Variants in ITSN1 observed in about 807,000 individuals in gnomAD.
The protein encoded by ITSN1 is intersectin-1.
A neutral mutation model predicts 239.8 loss-of-function variants in ITSN1; 58 were observed. The ratio of observed to expected loss-of-function variants is 0.24; its 90% confidence interval spans 0.20 to 0.30. ITSN1 has a LOEUF of 0.30. Ranked by LOEUF, ITSN1 falls within the 10% of genes least tolerant of loss-of-function variation. ITSN1 has a pLI of 1.00. For missense variants in ITSN1, 1,558 were observed against 2,103.3 expected, an observed-to-expected ratio of 0.74 and a Z score of 5.07; for synonymous variants, 780 against 770.8, an observed-to-expected ratio of 1.01 and a Z score of -0.20.
In ITSN1 at chr21:33,876,855, G is replaced by A. The variant is rs1321524639; in HGVS notation, c.4341+1334G>A. Reference sequence around the variant, plus strand: ...CTACTATACTCCAGCCTGGGCAACAGAGCAGAATGTGTCTCAAAACAACAA... The same window carrying A: ...CTACTATACTCCAGCCTGGGCAACAAAGCAGAATGTGTCTCAAAACAACAA... On this transcript the variant is annotated intron_variant, in intron 34 of 39. Transcript: ENST00000381318. 3.3e-5 allele frequency among the ~76,000 whole-genome samples: 5 copies of A among 152,126 alleles called. No individual in the cohort carries two copies. The East Asian group carries it at 9.6e-4, about 29-fold the overall frequency.
At chr21:33,720,912 A>G (rs1475391085) in intron 2 of ITSN1, among the ~76,000 whole-genome samples, 1 of 152,162 alleles carries the variant, frequency 6.6e-6, no homozygotes, top group Non-Finnish European at 1.5e-5. Flanking sequence ...TAACTATGGG[A>G]TTATAAAACA....
At chr21:33,796,782 AT>A (rs542573418) in intron 17 of ITSN1, among the ~76,000 whole-genome samples, 17 of 152,248 alleles carry the variant, frequency 1.1e-4, no homozygotes, top group African/African-American at 3.6e-4. Context: ...CATTTAAAGT[AT>A]TTTCTGACTT....
intron 38 of ITSN1, 22 bp from the exon 39 acceptor site, chr21:33,886,265 C>A (rs370478101): frequency 6.3e-7 from 1 of 1,597,682 alleles, no homozygotes; most frequent in Admixed American, 1.8e-5. Flanking sequence ...TTCCACCTGG[C>A]GAAGGCTTTT....
chr21:33,837,230 A>C, intron 29 of ITSN1: 1 of 1,251,698 alleles, frequency 8.0e-7, no homozygotes, highest in Non-Finnish European at 1.0e-6. Flanking sequence ...AATTACAAAA[A>C]CACACAGGGT....
At chr21:33,730,463 G>T (rs1253202488) in intron 4 of ITSN1, among the ~76,000 whole-genome samples, 3 of 120,616 alleles carry the variant, frequency 2.5e-5, no homozygotes, top group Non-Finnish European at 4.8e-5. Flanking sequence ...GTGCAGTGAC[G>T]TGATCTCGGC....
At chr21:33,884,984 C>A in intron 36 of ITSN1, 57 bp from the exon 37 acceptor site, 2 of 1,286,146 alleles carry the variant, frequency 1.6e-6, no homozygotes, top group Non-Finnish European at 2.3e-6. Context: ...TTTGAACAGA[C>A]CTGAAGCCTT....
chr21:33,773,000 CT>C (rs768551303), intron 12 of ITSN1, among the ~76,000 whole-genome samples: 1,355 of 133,026 alleles, frequency 0.01, 15 homozygotes, highest in East Asian at 0.058. Flanking sequence ...CTGCAATCTT[CT>C]TTTTTTTTTT....
chr21:33,830,923 G>C (rs1289061615), intron 27 of ITSN1, among the ~76,000 whole-genome samples: 1 of 151,954 alleles, frequency 6.6e-6, no homozygotes, highest in African/African-American at 2.4e-5. Context: ...GGGAGAACGC[G>C]CACAAATGAG....
chr21:33,706,765 T>TA (rs1270310404), intron 1 of ITSN1, among the ~76,000 whole-genome samples: 1 of 152,116 alleles, frequency 6.6e-6, no homozygotes, highest in African/African-American at 2.4e-5. Context: ...TTTATTTATT[T>TA]TTTTTGGCGT....
At chr21:33,681,166 A>C (rs2090926125) in intron 1 of ITSN1, among the ~76,000 whole-genome samples, 1 of 152,188 alleles carries the variant, frequency 6.6e-6, no homozygotes, top group Non-Finnish European at 1.5e-5. Flanking sequence ...CTGTTAAGGA[A>C]GGGCAGCAAA....
chr21:33,681,544 G>A (rs370914038), intron 1 of ITSN1, among the ~76,000 whole-genome samples: 2 of 151,836 alleles, frequency 1.3e-5, no homozygotes, highest in South Asian at 2.1e-4. Context: ...GTGAGACTCC[G>A]TCTCAAAAAA....
intron 1 of ITSN1, among the ~76,000 whole-genome samples, chr21:33,668,348 C>T (rs1226595889): frequency 4.6e-5 from 7 of 152,186 alleles, no homozygotes; most frequent in African/African-American, 1.7e-4. Context: ...GTGGGCCCCC[C>T]CAAGGCATGT....
intron 29 of ITSN1, among the ~76,000 whole-genome samples, chr21:33,848,739 C>G (rs552244841): frequency 7.2e-5 from 11 of 152,332 alleles, no homozygotes; most frequent in Admixed American, 1.3e-4. Context: ...GCAGAGACTG[C>G]TTCCCTCCTC....
chr21:33,800,046 C>A, intron 19 of ITSN1, 117 bp downstream of exon 19: 1 of 1,007,956 alleles, frequency 9.9e-7, no homozygotes, highest in Non-Finnish European at 1.4e-6. Flanking sequence ...AATAATCCAG[C>A]ATCTAGATTT....
chr21:33,885,013 G>T (rs757218134), intron 36 of ITSN1, 28 bp from the exon 37 acceptor site: 2 of 1,586,796 alleles, frequency 1.3e-6, no homozygotes, highest in South Asian at 2.2e-5. Flanking sequence ...GTTTCTGTTT[G>T]GCAACTTTCT....
At position 33,849,473 on chromosome 21, in the gene ITSN1, C is replaced by G. The variant is rs185273040; in HGVS notation, c.3662-7263C>G. ...CCCAGCTACTCGGGAGGCTGAGGCA[C>G]GAGAATTGCTTGATCCTGGGAGGTG... On this transcript the variant is annotated intron_variant, in intron 29 of 39. Transcript: ENST00000381318. Among the ~76,000 whole-genome samples, 5 of 147,684 alleles carry G rather than the reference C, an allele frequency of 3.4e-5. No homozygotes were observed. In the East Asian group the frequency reaches 1.0e-3, roughly 30 times the overall value.
At chr21:33,705,607 T>C (rs1229580084) in intron 1 of ITSN1, among the ~76,000 whole-genome samples, 1 of 152,104 alleles carries the variant, frequency 6.6e-6, no homozygotes, top group Non-Finnish European at 1.5e-5. Context: ...TTAGCCAGGA[T>C]AGTCTTGATC....
intron 27 of ITSN1, among the ~76,000 whole-genome samples, chr21:33,830,498 A>G (rs757831328): frequency 6.6e-6 from 1 of 152,130 alleles, no homozygotes; most frequent in Non-Finnish European, 1.5e-5. Context: ...AGACCAGAGG[A>G]CATGGTGTGT....
chr21:33,847,583 AG>A (rs760015226), intron 29 of ITSN1, among the ~76,000 whole-genome samples: 60 of 152,312 alleles, frequency 3.9e-4, no homozygotes, highest in Admixed American at 5.9e-4. Flanking sequence ...TTGAAGCCAT[AG>A]CCCATGGCTG....
Sources: allele counts gnomAD v4.1 joint callset (sites outside exome capture counted in the v4.1 genomes callset), GRCh38; gene constraint gnomAD v4.1.1; transcripts MANE v1.5; gene names NCBI Gene and HGNC (gene_info 2026-07-23, HGNC 2026-07-21).